Variants in OPCML observed in about 807,000 individuals in gnomAD.
The protein encoded by OPCML is opioid-binding protein/cell adhesion molecule.
A neutral mutation model predicts 37.8 loss-of-function variants in OPCML; 13 were observed. That is an observed-to-expected ratio of 0.34 (90% CI 0.22 to 0.55). The LOEUF (loss-of-function observed/expected upper bound fraction) is 0.55. Ranked by LOEUF, OPCML falls within the 20% of genes least tolerant of loss-of-function variation. The pLI is 0.91. For synonymous variants in OPCML, 176 were observed against 168.8 expected (o/e 1.04, Z -0.33); for missense variants, 341 against 435.6 (o/e 0.78, Z 1.93).
At chr11:132,541,652 C>A (rs1026130644) in intron 3 of OPCML, among the ~76,000 whole-genome samples, 14 of 152,080 alleles carry the variant, frequency 9.2e-5, no homozygotes, top group Admixed American at 1.3e-4. Context: ...TACTACTTTA[C>A]ATTTTAAGGA....
intron 2 of OPCML, among the ~76,000 whole-genome samples, chr11:132,910,126 C>T (rs899341186): frequency 6.6e-6 from 1 of 152,196 alleles, no homozygotes; most frequent in African/African-American, 2.4e-5. Context: ...AGGCACTCCT[C>T]CTCTGAGCAC....
At chr11:133,381,829 C>T (rs765657719) in intron 1 of OPCML, among the ~76,000 whole-genome samples, 2 of 152,184 alleles carry the variant, frequency 1.3e-5, no homozygotes, top group African/African-American at 2.4e-5. Context: ...CATAGCAGGG[C>T]ACTTTTACCA....
At chr11:133,481,468 TA>T (rs1947370320) in intron 1 of OPCML, among the ~76,000 whole-genome samples, 1 of 151,714 alleles carries the variant, frequency 6.6e-6, no homozygotes, top group South Asian at 2.1e-4. Context: ...AATAAATAAA[TA>T]AATAAATAAA....
intron 1 of OPCML, among the ~76,000 whole-genome samples, chr11:133,519,828 T>C (rs1205834342): frequency 6.6e-6 from 1 of 152,202 alleles, no homozygotes; most frequent in Non-Finnish European, 1.5e-5. Context: ...CAGCCAAGCT[T>C]AGCTGTGTCT....
In OPCML at chr11:133,140,748, GGAA is replaced by G. The variant is rs1201885733; in HGVS notation, c.62-197741_62-197739del. 1.9e-4 allele frequency among the ~76,000 whole-genome samples: 12 copies of G among 62,074 alleles called. 2 individuals are homozygous for G. The highest frequency in any genetic ancestry group is 6.8e-4 in the Admixed American group (3 of 4,440). The allele number at this position is 62,074 out of a possible 152,430, so 40.7% of individuals were successfully genotyped here. On this transcript the variant is annotated intron_variant, in intron 1 of 7. Coordinates refer to ENST00000524381, the MANE Select transcript of OPCML (RefSeq NM_001012393.5). ...AAGACGACGACGACGACGACGACGA[GGAA>G]GAAGAAGACGACGAAGAAGAAGAAG...
intron 1 of OPCML, chr11:133,422,065 C>T: frequency 1.1e-6 from 1 of 873,066 alleles, no homozygotes; most frequent in South Asian, 5.2e-5. Flanking sequence ...TTTGCTGCAC[C>T]CATCCACCCG....
chr11:132,624,317 T>C (rs1238814569), intron 3 of OPCML, among the ~76,000 whole-genome samples: 1 of 152,220 alleles, frequency 6.6e-6, no homozygotes, highest in African/African-American at 2.4e-5. Context: ...AAACTGCTCA[T>C]ATCACTATCA....
At chr11:132,720,615 G>A (rs1944644635) in intron 2 of OPCML, among the ~76,000 whole-genome samples, 1 of 152,050 alleles carries the variant, frequency 6.6e-6, no homozygotes, top group Admixed American at 6.5e-5. Flanking sequence ...TTCTCTAATT[G>A]GCTCGCTATT....
rs540037736 is a variant in OPCML at position 132,893,094 on chromosome 11, T to A, written c.146+49832A>T. ...TAACCCTTGTTTTTGAAATCGTCAA[T>A]CATCTTGACTAACTACAGTGGGTGT... On this transcript the variant is annotated intron_variant, in intron 2 of 7. Coordinates refer to ENST00000524381, the MANE Select transcript of OPCML (RefSeq NM_001012393.5). Among the ~76,000 whole-genome samples the A allele has an allele frequency of 3.9e-5, 6 of 152,266 alleles. No individual in the cohort carries two copies. The East Asian group carries it at 9.7e-4, about 25-fold the overall frequency.
intron 3 of OPCML, among the ~76,000 whole-genome samples, chr11:132,551,328 C>G (rs1415380113): frequency 6.6e-6 from 1 of 152,174 alleles, no homozygotes; most frequent in Non-Finnish European, 1.5e-5. Flanking sequence ...CTTCTAACCT[C>G]CAAGCTGTCC....
intron 1 of OPCML, among the ~76,000 whole-genome samples, chr11:132,992,911 A>G: frequency 6.6e-6 from 1 of 152,166 alleles, no homozygotes; most frequent in East Asian, 1.9e-4. Flanking sequence ...AGCAACGTTG[A>G]CATCCAGTGG....
rs1051518084 is a variant in OPCML, at chr11:133,422,787, A to G, written c.61+109477T>C. The G allele has an allele frequency of 1.8e-5, 16 of 899,236 alleles. 1 individual carries two copies. In the East Asian group the frequency reaches 5.9e-4, roughly 33 times the overall value. 55.7% of individuals were successfully genotyped at this position (899,236 alleles called of 1,614,324 possible). A position where few individuals can be genotyped will look rare whatever the true frequency, so the allele number is the denominator to read the frequency against. ...ATAATAAAGTATTTATGATTTTTAT[A>G]TTACAAAATAAAAGAAACTCTTTTG... On this transcript the variant is annotated intron_variant, in intron 1 of 7. Coordinates refer to ENST00000524381, the MANE Select transcript of OPCML (RefSeq NM_001012393.5).
At chr11:133,172,962 C>G (rs1398474644) in intron 1 of OPCML, among the ~76,000 whole-genome samples, 1 of 152,088 alleles carries the variant, frequency 6.6e-6, no homozygotes, top group Admixed American at 6.5e-5. Context: ...AATCTTTTGC[C>G]TGGGATATAG....
chr11:132,477,631 C>A (rs114895193), intron 4 of OPCML, among the ~76,000 whole-genome samples: 5,723 of 152,258 alleles, frequency 0.038, 334 homozygotes, highest in African/African-American at 0.13. Flanking sequence ...TAACCTCCAA[C>A]ATGAGGAATG....
At chr11:133,409,161 C>T (rs898040758) in intron 1 of OPCML, among the ~76,000 whole-genome samples, 4 of 152,118 alleles carry the variant, frequency 2.6e-5, no homozygotes, top group South Asian at 2.1e-4. Context: ...CCAACCAACG[C>T]GTCATGATAC....
intron 3 of OPCML, among the ~76,000 whole-genome samples, chr11:132,600,232 G>A (rs1049425322): frequency 6.6e-6 from 1 of 152,172 alleles, no homozygotes; most frequent in Non-Finnish European, 1.5e-5. Context: ...TAAGAGATAA[G>A]GATACCAGAC....
chr11:132,428,812 A>G (rs1055726489), intron 7 of OPCML, among the ~76,000 whole-genome samples: 13 of 152,142 alleles, frequency 8.5e-5, no homozygotes, highest in African/African-American at 3.1e-4. Flanking sequence ...TATCAATCTC[A>G]AAGTGTTCTT....
intron 1 of OPCML, among the ~76,000 whole-genome samples, chr11:133,108,868 G>A (rs1191677191): frequency 6.6e-6 from 1 of 152,112 alleles, no homozygotes; most frequent in Non-Finnish European, 1.5e-5. Flanking sequence ...ACAGGGAAAC[G>A]CATTCACGGA....
chr11:133,458,638 T>C (rs1422177827), intron 1 of OPCML, among the ~76,000 whole-genome samples: 1 of 132,100 alleles, frequency 7.6e-6, no homozygotes, highest in South Asian at 2.2e-4. Context: ...TGTGTGTATA[T>C]ACACATAGAT....
Sources: allele counts gnomAD v4.1 joint callset (sites outside exome capture counted in the v4.1 genomes callset), GRCh38; gene constraint gnomAD v4.1.1; transcripts MANE v1.5; gene names NCBI Gene and HGNC (gene_info 2026-07-23, HGNC 2026-07-21).